Variants in NEB observed in about 807,000 individuals in gnomAD.
NEB encodes nebulin.
Under a neutral mutation model 952.2 loss-of-function variants are expected in NEB, and 512 were observed. The observed-to-expected ratio is 0.54, with a 90% confidence interval of 0.50 to 0.58. The LOEUF is 0.58. NEB is among the 20% of genes least tolerant of loss of function. NEB has a pLI of 0.00. For missense variants in NEB, 8,428 were observed against 9,231.1 expected, an observed-to-expected ratio of 0.91 and a Z score of 3.56; for synonymous variants, 2,900 against 3,149.8, an observed-to-expected ratio of 0.92 and a Z score of 2.66.
Position 151,730,616 on chromosome 2 carries a change from GAA to G in NEB, c.37-962_37-961del, listed in dbSNP as rs869176689. On this transcript the variant is annotated intron_variant, in intron 3 of 181. Transcript: ENST00000397345. ...TGAAACACTTGGCTCATTTCTTAGT[GAA>G]AAAAAAAAAAAAAAAAAAAGGATGT... is the stretch of plus-strand genomic sequence containing the variant. Among the ~76,000 whole-genome samples, 117 of 124,262 alleles carry G rather than the reference GAA, an allele frequency of 9.4e-4. 2 individuals are homozygous for G. The highest frequency in any genetic ancestry group is 4.1e-3 in the African/African-American group (106 of 26,006). 81.5% of individuals were successfully genotyped at this position (124,262 alleles called of 152,430 possible).
intron 81 of NEB, among the ~76,000 whole-genome samples, chr2:151,609,166 C>T (rs1490450389): frequency 6.6e-6 from 1 of 150,848 alleles, no homozygotes; most frequent in Non-Finnish European, 1.5e-5. Context: ...GCACTCCAGC[C>T]TGGGCAACGA....
chr2:151,731,323 C>T (rs2099807871), intron 3 of NEB, among the ~76,000 whole-genome samples: 1 of 152,150 alleles, frequency 6.6e-6, no homozygotes, highest in Admixed American at 6.5e-5. Context: ...ATAGTGCATC[C>T]TTGCTTCTCT....
chr2:151,707,045 G>GC (rs2099709414), intron 12 of NEB, 48 bp from the exon 13 acceptor site: 1 of 1,224,818 alleles, frequency 8.2e-7, no homozygotes, highest in Non-Finnish European at 1.2e-6. Flanking sequence ...GGTTATTTTT[G>GC]CCCCCGTCTC....
At chr2:151,632,939 T>C (rs2098698783) in intron 65 of NEB, among the ~76,000 whole-genome samples, 1 of 152,236 alleles carries the variant, frequency 6.6e-6, no homozygotes, top group Non-Finnish European at 1.5e-5. Context: ...CAGGGTTCTG[T>C]ATGTCAGAAG....
rs1184690517 is a variant in NEB at position 151,502,904 on chromosome 2, T to A, written c.23836-19A>T. 3 of 1,440,824 alleles carry A rather than the reference T, an allele frequency of 2.1e-6. No homozygotes were observed. Among genetic ancestry groups the A allele is most frequent in the South Asian group, 2.4e-5 (2 of 82,586 alleles). The allele number at this position is 1,440,824 out of a possible 1,614,324, so 89.3% of individuals were successfully genotyped here. ...ACAAAACCTGTGAGATACAAGAAAG[T>A]ACCCAGAGGACATTTAAAACAGGCA... On this transcript the variant is annotated intron_variant, in intron 166 of 181. Transcript: ENST00000397345.
At position 151,531,060 on chromosome 2, in the gene NEB, G is replaced by T. The variant is rs775887037; in HGVS notation, c.21564C>A (p.Gly7188=). The T allele has an allele frequency of 1.1e-5, 18 of 1,613,420 alleles. No homozygotes were observed. The highest frequency in any genetic ancestry group is 1.6e-4 in the Middle Eastern group (1 of 6,082). ...KLEYNKAKPR[G]YTTIHDTPML... ...TGGGTGTGTCGTGGATTGTGGTGTA[G>T]CCTCTGGGTTTGGCCTTGTTGTATT... The change falls in exon 145 of 182, where the codon GGC becomes GGA. Residue 7188 remains glycine, a synonymous_variant. Transcript: ENST00000397345.
At position 151,672,742 on chromosome 2, in the gene NEB, C is replaced by T. The variant is rs181115077; in HGVS notation, c.3988-62G>A. ...ATTGATAGCATTAGCGCTGCAATTA[C>T]ATTCACATATAAAGACACTCAGAGC... On this transcript the variant is annotated intron_variant, in intron 36 of 181. Coordinates refer to ENST00000397345, the MANE Select transcript of NEB (RefSeq NM_001164508.2). The T allele has an allele frequency of 1.5e-3, 2,151 of 1,389,214 alleles. 4 individuals are homozygous for T. The highest frequency in any genetic ancestry group is 4.5e-3 in the Middle Eastern group (22 of 4,894). The allele number at this position is 1,389,214 out of a possible 1,614,324, so 86.1% of individuals were successfully genotyped here.
chr2:151,639,553 T>C (rs1290288764), intron 62 of NEB, among the ~76,000 whole-genome samples, 169 bp from the exon 63 acceptor site: 1 of 152,344 alleles, frequency 6.6e-6, no homozygotes, highest in East Asian at 1.9e-4. Context: ...GAATGTGTAT[T>C]TATAAATGCC....
At chr2:151,680,318 T>C (rs753886676) in intron 30 of NEB, among the ~76,000 whole-genome samples, 1 of 152,088 alleles carries the variant, frequency 6.6e-6, no homozygotes, top group Non-Finnish European at 1.5e-5. Flanking sequence ...CAACCACCTA[T>C]ATTATATTTT....
At chr2:151,562,840 G>T in intron 119 of NEB, 32 bp from the exon 120 acceptor site, 2 of 1,441,230 alleles carry the variant, frequency 1.4e-6, no homozygotes, top group Non-Finnish European at 1.9e-6. Flanking sequence ...AATAAGAAAG[G>T]GGTTTAAATG....
At chr2:151,613,646 C>T (rs905990001) in intron 77 of NEB, among the ~76,000 whole-genome samples, 4 of 152,160 alleles carry the variant, frequency 2.6e-5, no homozygotes, top group African/African-American at 4.8e-5. Flanking sequence ...GAATTGTAAT[C>T]CTCAATGTTG....
chr2:151,532,382 C>T (rs1217880977), intron 143 of NEB, among the ~76,000 whole-genome samples: 1 of 152,092 alleles, frequency 6.6e-6, no homozygotes, highest in African/African-American at 2.4e-5. Context: ...TGAACATGTA[C>T]AATCTCCAAA....
intron 181 of NEB, among the ~76,000 whole-genome samples, chr2:151,488,039 A>G (rs1232901742): frequency 1.3e-5 from 2 of 152,036 alleles, no homozygotes; most frequent in Non-Finnish European, 2.9e-5. Context: ...TTATTTTTAT[A>G]TTCCTGGTTA....
intron 63 of NEB, among the ~76,000 whole-genome samples, chr2:151,637,377 G>T (rs1308731808): frequency 2.0e-5 from 3 of 152,212 alleles, no homozygotes; most frequent in African/African-American, 7.2e-5. Context: ...AAGGAAGTGG[G>T]TGAGGCCCCA....
rs546635720 is a variant in NEB at position 151,702,592 on chromosome 2, G to C, written c.1152+4289C>G. Among the ~76,000 whole-genome samples, 1,496 of 151,642 alleles carry C rather than the reference G, an allele frequency of 9.9e-3. 26 individuals are homozygous for C. The highest frequency in any genetic ancestry group is 0.035 in the African/African-American group (1,430 of 41,354). ...ATATTTAGGATAGTTAGCTCTTCTT[G>C]TGGAATTGATCCCTTTACCATTATG... On this transcript the variant is annotated intron_variant, in intron 13 of 181. Transcript: ENST00000397345.
intron 60 of NEB, 76 bp from the exon 61 acceptor site, chr2:151,640,742 A>G (rs971392693): frequency 2.2e-5 from 31 of 1,433,334 alleles, no homozygotes; most frequent in Non-Finnish European, 2.8e-5. Flanking sequence ...AACTTGCTCT[A>G]TTTATTAAAA....
At chr2:151,508,525 A>T (rs565728404) in intron 161 of NEB, among the ~76,000 whole-genome samples, 1 of 152,310 alleles carries the variant, frequency 6.6e-6, no homozygotes, top group Non-Finnish European at 1.5e-5. Flanking sequence ...GAGGGTTAAG[A>T]GTCAAAGACA....
At chr2:151,496,854 AG>A in intron 172 of NEB, 86 bp downstream of exon 172, 1 of 1,388,824 alleles carries the variant, frequency 7.2e-7, no homozygotes, top group South Asian at 1.4e-5. Context: ...ATTTGTCTTT[AG>A]AAAATAGGAT....
Position 151,627,574 on chromosome 2 carries a change from G to C in NEB, c.10092C>G (p.Pro3364=). The C allele has an allele frequency of 6.2e-7, 1 of 1,613,962 alleles. No homozygotes were observed. Among genetic ancestry groups the C allele is most frequent in the Non-Finnish European group, 8.5e-7 (1 of 1,179,880 alleles). ...GAGCATGGATGACATCATTCTGGTCGGGCAGGCACGTCCACTCGTGCAGGT... is the reference window on the plus strand; with the variant it reads ...GAGCATGGATGACATCATTCTGGTCCGGCAGGCACGTCCACTCGTGCAGGT... ...KNYLHEWTCL[P]DQNDVIHARQ... Residue 3364 remains proline (P), a synonymous_variant, in exon 69 of 182, where the codon CCC becomes CCG. Transcript: ENST00000397345.
Sources: gnomAD v4.1 joint callset for allele counts (sites outside exome capture counted in the v4.1 genomes callset) on GRCh38, gnomAD v4.1.1 for gene constraint, MANE v1.5 for transcripts, NCBI Gene and HGNC (gene_info 2026-07-23, HGNC 2026-07-21) for gene names.